The following OCLN variants were observed in gnomAD, a reference collection of about 807,000 sequenced individuals.
OCLN encodes the protein occludin.
Under a neutral mutation model 47.9 loss-of-function variants are expected in OCLN, and 21 were observed. That is an observed-to-expected ratio of 0.44 (90% CI 0.31 to 0.63). OCLN has a LOEUF of 0.63. Ranked by LOEUF, OCLN falls within the 30% of genes least tolerant of loss-of-function variation. The pLI, the probability that OCLN is intolerant of heterozygous loss-of-function variation, is 0.08. For synonymous variants in OCLN, 117 were observed against 198.4 expected (o/e 0.59, Z 3.45); for missense variants, 360 against 571.0 (o/e 0.63, Z 3.77).
At chr5:69,497,493 T>C (rs1195991757) in intron 1 of OCLN, among the ~76,000 whole-genome samples, 4 of 148,436 alleles carry the variant, frequency 2.7e-5, no homozygotes, top group Non-Finnish European at 5.9e-5. Flanking sequence ...GTTCAAGCAA[T>C]TCTCCTGCCT....
intron 4 of OCLN, among the ~76,000 whole-genome samples, chr5:69,533,549 G>T (rs1769507457): frequency 6.6e-6 from 1 of 152,134 alleles, no homozygotes; most frequent in African/African-American, 2.4e-5. Flanking sequence ...GGGGGAAGTA[G>T]GACTTGATTG....
At position 69,555,647 on chromosome 5, in the gene OCLN, T is replaced by C. The variant is rs1472072373; in HGVS notation, c.*1976T>C. On this transcript the variant is annotated 3_prime_UTR_variant, in exon 9 of 9. Coordinates refer to ENST00000396442, the MANE Select transcript of OCLN (RefSeq NM_001205254.2). ...GTTTCCATTATATCACTGATTTATTTCTGCAAATTGAATAAATTCTTAATT... is the reference window on the plus strand; with the variant it reads ...GTTTCCATTATATCACTGATTTATTCCTGCAAATTGAATAAATTCTTAATT... 2 of 152,124 alleles carry C rather than the reference T, an allele frequency of 1.3e-5. No individual in the cohort carries two copies. Among genetic ancestry groups the C allele is most frequent in the Non-Finnish European group, 2.9e-5 (2 of 68,024 alleles). 9.4% of individuals were successfully genotyped at this position (152,124 alleles called of 1,614,324 possible).
chr5:69,497,375 G>C (rs1299892111), intron 1 of OCLN, among the ~76,000 whole-genome samples: 2 of 144,108 alleles, frequency 1.4e-5, no homozygotes, highest in South Asian at 4.4e-4. Flanking sequence ...TTAAGACATG[G>C]TTTTTCTAGA....
chr5:69,509,344 C>T lies in OCLN; in HGVS notation c.254C>T (p.Ser85Phe). Residue 85 changes from serine (S) to phenylalanine (F), a missense_variant, in exon 3 of 9, where the codon TCC becomes TTC. Ser to Phe is a radical substitution (Grantham distance 155, BLOSUM62 -2). Around this residue, in one of 3 missense-constraint regions of OCLN, gnomAD observed 314 missense variants for 368.1 expected, o/e 0.85. Transcript: ENST00000396442. The part of the protein sequence containing the change: ...MCIAIFACVA[S>F]TLAWDRGYGT... ...ATTGCCATCTTTGCCTGTGTGGCCTCCACGCTTGCCTGGGACAGAGGCTAT... is the reference window on the plus strand; with the variant it reads ...ATTGCCATCTTTGCCTGTGTGGCCTTCACGCTTGCCTGGGACAGAGGCTAT... 1 of 1,614,162 alleles carries T rather than the reference C, an allele frequency of 6.2e-7. No individual in the cohort carries two copies. The highest frequency in any genetic ancestry group is 8.5e-7 in the Non-Finnish European group (1 of 1,180,030).
Position 69,502,957 on chromosome 5 carries a change from T to C in OCLN, c.-68-1220T>C, listed in dbSNP as rs189770945. Among the ~76,000 whole-genome samples, 379 of 152,304 alleles carry C rather than the reference T, an allele frequency of 2.5e-3. 7 individuals are homozygous for C. Among genetic ancestry groups the C allele is most frequent in the Non-Finnish European group, 7.5e-4 (51 of 68,026 alleles). On this transcript the variant is annotated intron_variant, in intron 1 of 8. Transcript: ENST00000396442. ...GCATAGTGAAAAGCACATGAAATCA[T>C]CTGGGTTCAAGTTACATCTGAGTGA...
intron 4 of OCLN, among the ~76,000 whole-genome samples, chr5:69,523,906 T>TGG (rs1769209891): frequency 6.6e-6 from 1 of 152,096 alleles, no homozygotes; most frequent in Non-Finnish European, 1.5e-5. Context: ...CCCAGCACTT[T>TGG]GGGAGACCAA....
At chr5:69,517,315 T>TG in intron 4 of OCLN, among the ~76,000 whole-genome samples, 1 of 30,470 alleles carries the variant, frequency 3.3e-5, no homozygotes, top group South Asian at 9.8e-4. Flanking sequence ...TATATATATA[T>TG]TTTTTTTTTT....
At chr5:69,496,910 C>T (rs573508035) in intron 1 of OCLN, among the ~76,000 whole-genome samples, 1 of 152,186 alleles carries the variant, frequency 6.6e-6, no homozygotes, top group African/African-American at 2.4e-5. Context: ...TTGTCACTCT[C>T]CTGACATAAG....
chr5:69,530,967 C>T (rs1228944266), intron 4 of OCLN, among the ~76,000 whole-genome samples: 2 of 152,176 alleles, frequency 1.3e-5, no homozygotes, highest in Non-Finnish European at 2.9e-5. Flanking sequence ...TTTGGAGACT[C>T]GAAGAGGAAA....
At chr5:69,499,624 C>T (rs186238469) in intron 1 of OCLN, among the ~76,000 whole-genome samples, 227 of 151,790 alleles carry the variant, frequency 1.5e-3, no homozygotes, top group Non-Finnish European at 2.6e-3. Context: ...CTCGCTCCGT[C>T]GCCAGGCTGG....
At chr5:69,519,253 C>A (rs114016116) in intron 4 of OCLN, among the ~76,000 whole-genome samples, 1,595 of 152,324 alleles carry the variant, frequency 0.01, 22 homozygotes, top group African/African-American at 0.036. Flanking sequence ...ATCTTACTGA[C>A]TTCCTTCTTG....
intron 4 of OCLN, among the ~76,000 whole-genome samples, chr5:69,529,191 G>T (rs537128882): frequency 6.6e-6 from 1 of 152,280 alleles, no homozygotes; most frequent in African/African-American, 2.4e-5. Flanking sequence ...AGGTGAGGAA[G>T]AATCACGGTA....
rs750117339 is a variant in OCLN at position 69,509,546 on chromosome 5, G to A, written c.456G>A (p.Ala152=). The part of the protein sequence containing the change: ...LAMAAFCFIA[A]LVIFVTSVIR... ...TGGCTGCCTTTTGTTTCATTGCCGC[G>A]TTGGTGATCTTTGTTACCAGTGTTA... is the stretch of plus-strand genomic sequence containing the variant. Residue 152 remains alanine, a synonymous_variant, in exon 3 of 9, where the codon GCG becomes GCA. Coordinates refer to ENST00000396442, the MANE Select transcript of OCLN (RefSeq NM_001205254.2). The A allele has an allele frequency of 9.9e-6, 16 of 1,614,176 alleles. No homozygotes were observed. Among genetic ancestry groups the A allele is most frequent in the South Asian group, 3.3e-5 (3 of 91,084 alleles).
At chr5:69,548,613 C>T (rs1561354808) in intron 7 of OCLN, among the ~76,000 whole-genome samples, 2 of 149,934 alleles carry the variant, frequency 1.3e-5, no homozygotes, top group African/African-American at 2.5e-5. Context: ...AGCCACCGCG[C>T]CCAGCCCCTA....
At chr5:69,548,345 G>A (rs1225194375) in intron 7 of OCLN, among the ~76,000 whole-genome samples, 2 of 144,390 alleles carry the variant, frequency 1.4e-5, no homozygotes, top group Non-Finnish European at 3.0e-5. Context: ...GTGGAGTCTC[G>A]TTCTGTTGCC....
intron 2 of OCLN, among the ~76,000 whole-genome samples, chr5:69,508,363 C>T (rs1023194681): frequency 7.3e-5 from 11 of 151,672 alleles, no homozygotes; most frequent in African/African-American, 1.5e-4. Flanking sequence ...TTTTTTGAGA[C>T]GGAGTCTTGC....
chr5:69,496,870 G>A (rs143372257), intron 1 of OCLN, among the ~76,000 whole-genome samples: 72 of 152,196 alleles, frequency 4.7e-4, no homozygotes, highest in African/African-American at 1.6e-3. Flanking sequence ...TTTTGCCCCC[G>A]ACTCTAATTT....
chr5:69,506,806 T>TA (rs1169810509), intron 2 of OCLN, among the ~76,000 whole-genome samples: 9 of 152,202 alleles, frequency 5.9e-5, no homozygotes, highest in Admixed American at 5.9e-4. Context: ...ACAAGTTGTT[T>TA]ATGACAATAC....
intron 7 of OCLN, among the ~76,000 whole-genome samples, chr5:69,548,321 T>G (rs1431947291): frequency 2.7e-5 from 4 of 147,464 alleles, no homozygotes; most frequent in Non-Finnish European, 4.5e-5. Flanking sequence ...TTCTGTTTTT[T>G]TTTTTTTTTT....
Sources: allele counts gnomAD v4.1 joint callset (sites outside exome capture counted in the v4.1 genomes callset), GRCh38; gene constraint gnomAD v4.1.1; regional missense constraint gnomAD v4.1.1; transcripts MANE v1.5; gene names NCBI Gene and HGNC (gene_info 2026-07-23, HGNC 2026-07-21).